PHF2: variants seen among roughly 807,000 people sequenced by gnomAD.
PHF2 encodes the protein PHD finger protein 2, also known as lysine-specific demethylase PHF2.
PHF2 carries 27 observed loss-of-function variants against 120.5 expected under a neutral mutation model. The ratio of observed to expected loss-of-function variants is 0.22; its 90% CI spans 0.17 to 0.31. PHF2 has a LOEUF of 0.31. PHF2 is among the 10% of genes least tolerant of loss of function. The pLI is 1.00. For synonymous variants in PHF2, 568 were observed against 592.5 expected (o/e 0.96, Z 0.60); for missense variants, 1,024 against 1,434.8 (o/e 0.71, Z 4.63).
chr9:93,610,990 G>T (rs1825623908), intron 1 of PHF2, among the ~76,000 whole-genome samples: 1 of 152,236 alleles, frequency 6.6e-6, no homozygotes, highest in Admixed American at 6.5e-5. Flanking sequence ...ATGGGCTTCT[G>T]TTCAGTCTTC....
At position 93,589,590 on chromosome 9, in the gene PHF2, T is replaced by G. The variant is rs192450879; in HGVS notation, c.98+12719T>G. 4.6e-3 allele frequency among the ~76,000 whole-genome samples: 704 copies of G among 152,328 alleles called. 4 individuals carry two copies. The highest frequency in any genetic ancestry group is 0.014 in the Middle Eastern group (4 of 294). On this transcript the variant is annotated intron_variant, in intron 1 of 21. Coordinates refer to ENST00000359246, the MANE Select transcript of PHF2 (RefSeq NM_005392.4). ...TGTCTTTATCACTTGGAAATTAAAG[T>G]CAGTGACCCACCTGTCTTTTCTTAT...
At chr9:93,588,043 C>A (rs1863090501) in intron 1 of PHF2, among the ~76,000 whole-genome samples, 1 of 152,152 alleles carries the variant, frequency 6.6e-6, no homozygotes, top group African/African-American at 2.4e-5. Context: ...CCTGGAGGCC[C>A]CCATGACAGT....
At position 93,625,948 on chromosome 9, in the gene PHF2, TA is replaced by T. The variant is rs35746379; in HGVS notation, c.99-4012del. On this transcript the variant is annotated intron_variant, in intron 1 of 21. Coordinates refer to ENST00000359246, the MANE Select transcript of PHF2 (RefSeq NM_005392.4). ...TCCACATCCTCTCCAAAACTTACTT[TA>T]AAAAAAAAATTGGCCGGGCGCGGTG... 6.7e-5 allele frequency among the ~76,000 whole-genome samples: 10 copies of T among 149,406 alleles called. No individual in the cohort carries two copies. In the East Asian group the frequency reaches 7.8e-4, roughly 12 times the overall value.
In PHF2 at chr9:93,653,269, C is replaced by T. The variant is rs767356385; in HGVS notation, c.693C>T (p.Pro231=). 3.1e-6 allele frequency: 5 copies of T among 1,614,180 alleles called. No homozygotes were observed. Among genetic ancestry groups the T allele is most frequent in the Non-Finnish European group, 4.2e-6 (5 of 1,180,040 alleles). Residue 231 remains proline, a synonymous_variant, in exon 6 of 22, where the codon CCC becomes CCT. Transcript: ENST00000359246. ...CAGATGATGCATTGCTGGCCAAGCC[C>T]AAAGTGACCAAGTACTGCCTAATCT... is the stretch of plus-strand genomic sequence containing the variant. ...YWPDDALLAK[P]KVTKYCLICV...
rs559727442 is a variant in PHF2 at position 93,677,501 on chromosome 9, A to T, written c.3203-87A>T. ...GGACTGCAGGCTGCCCCTTAGTGTC[A>T]GCGGGACCCTCCCCCCCACCGGCAT... On this transcript the variant is annotated intron_variant, in intron 21 of 21. Transcript: ENST00000359246. The surrounding 1 kb of genome is among the most constrained non-coding windows in gnomAD (Gnocchi z 4.4). The T allele has an allele frequency of 2.1e-6, 2 of 951,074 alleles. No individual in the cohort carries two copies. The highest frequency in any genetic ancestry group is 2.8e-5 in the South Asian group (2 of 70,212). 58.9% of individuals were successfully genotyped at this position (951,074 alleles called of 1,614,324 possible).
intron 1 of PHF2, among the ~76,000 whole-genome samples, chr9:93,616,163 A>G (rs1587684068): frequency 6.6e-6 from 1 of 152,186 alleles, no homozygotes; most frequent in African/African-American, 2.4e-5. Flanking sequence ...GGAGCACATC[A>G]TGCCCTGGTT....
Position 93,676,799 on chromosome 9 carries a change from C to G in PHF2, c.3038C>G (p.Pro1013Arg). The change falls in exon 21 of 22, where the codon CCG (proline) becomes CGG (arginine). Residue 1013 changes from proline to arginine, a missense_variant. By Grantham distance (103) the Pro-to-Arg change is moderately radical. Transcript: ENST00000359246. ...ASQEGSSPEPPPESHSSSLAD... is the reference protein window; with the variant it reads ...ASQEGSSPEPRPESHSSSLAD... The stretch of plus-strand genomic sequence containing the variant: ...CAGGAGGGCAGCTCGCCAGAGCCCC[C>G]GCCTGAGTCGCATAGCAGCAGCCTG... 6.4e-7 allele frequency: 1 copy of G among 1,553,074 alleles called. No individual in the cohort carries two copies. The highest frequency in any genetic ancestry group is 8.7e-7 in the Non-Finnish European group (1 of 1,148,046).
In PHF2 at chr9:93,679,177, A is replaced by G. The variant is rs963294434; in HGVS notation, c.*1501A>G. 15 of 452,430 alleles carry G rather than the reference A, an allele frequency of 3.3e-5. No individual in the cohort carries two copies. Among genetic ancestry groups the G allele is most frequent in the Admixed American group, 1.9e-4 (8 of 41,512 alleles). 28.0% of individuals were successfully genotyped at this position (452,430 alleles called of 1,614,324 possible). A position where few individuals can be genotyped will look rare whatever the true frequency, so the allele number is the denominator to read the frequency against. On this transcript the variant is annotated 3_prime_UTR_variant, in exon 22 of 22. Coordinates refer to ENST00000359246, the MANE Select transcript of PHF2 (RefSeq NM_005392.4). ...TCTTATGAGCTTTGTTTATATACCC[A>G]TTACCTGGATGTTTTTGTCCACTGG...
At position 93,653,503 on chromosome 9, in the gene PHF2, G is replaced by A. The variant is rs1826404253; in HGVS notation, c.789+138G>A. 10 of 795,222 alleles carry A rather than the reference G, an allele frequency of 1.3e-5. No homozygotes were observed. In the South Asian group the frequency reaches 1.8e-4, roughly 14 times the overall value. The allele number at this position is 795,222 out of a possible 1,614,324, so 49.3% of individuals were successfully genotyped here. ...CCCTGGACTGTCCATCCCTGGGACA[G>A]GAGGCCTCTGGAGACATCTCTGGGT... On this transcript the variant is annotated intron_variant, in intron 6 of 21. Coordinates refer to ENST00000359246, the MANE Select transcript of PHF2 (RefSeq NM_005392.4).
intron 1 of PHF2, among the ~76,000 whole-genome samples, chr9:93,592,050 G>A (rs1825237495): frequency 6.6e-6 from 1 of 152,186 alleles, no homozygotes; most frequent in South Asian, 2.1e-4. Context: ...TTACCCAGGG[G>A]TCATTGTAAT....
chr9:93,619,634 T>C (rs10992805), intron 1 of PHF2, among the ~76,000 whole-genome samples: 3 of 151,846 alleles, frequency 2.0e-5, no homozygotes, highest in Non-Finnish European at 2.9e-5. Context: ...TGCTGGTGGC[T>C]TCCGGTAGCC....
At chr9:93,666,374 C>T (rs1316197129) in intron 16 of PHF2, among the ~76,000 whole-genome samples, 1 of 152,194 alleles carries the variant, frequency 6.6e-6, no homozygotes, top group East Asian at 1.9e-4. Context: ...AGGCCCTGCC[C>T]CCGCCTCTCC....
intron 6 of PHF2, among the ~76,000 whole-genome samples, chr9:93,653,957 C>T (rs1214402185): frequency 1.3e-5 from 2 of 152,148 alleles, no homozygotes; most frequent in Non-Finnish European, 2.9e-5. Flanking sequence ...ACTGGGGCAT[C>T]CTCAGAACCT....
At chr9:93,645,219 G>T (rs1477164172) in intron 3 of PHF2, among the ~76,000 whole-genome samples, 1 of 152,230 alleles carries the variant, frequency 6.6e-6, no homozygotes, top group Non-Finnish European at 1.5e-5. Flanking sequence ...GAGGCACCTA[G>T]CCGAGAAGGG....
At chr9:93,595,602 T>C (rs1252186337) in intron 1 of PHF2, among the ~76,000 whole-genome samples, 1 of 152,262 alleles carries the variant, frequency 6.6e-6, no homozygotes, top group Non-Finnish European at 1.5e-5. Context: ...GCATGGCTCC[T>C]CTCTGCATGT....
At position 93,649,238 on chromosome 9, in the gene PHF2, G is replaced by A. The variant is rs927618206; in HGVS notation, c.602+26G>A. 3 of 1,545,812 alleles carry A rather than the reference G, an allele frequency of 1.9e-6. No homozygotes were observed. In the African/African-American group the frequency reaches 4.1e-5, roughly 21 times the overall value. On this transcript the variant is annotated intron_variant, in intron 5 of 21. Transcript: ENST00000359246. Reference sequence around the variant, plus strand: ...GTGAGTGCTACCACCCTGGGGGTGTGGGGGCTGGGGTTGGGGCAGGGGCGC... The same window carrying A: ...GTGAGTGCTACCACCCTGGGGGTGTAGGGGCTGGGGTTGGGGCAGGGGCGC...
At chr9:93,600,722 G>C (rs1825423968) in intron 1 of PHF2, among the ~76,000 whole-genome samples, 1 of 152,212 alleles carries the variant, frequency 6.6e-6, no homozygotes, top group Non-Finnish European at 1.5e-5. Context: ...GGCACTGGGG[G>C]AGGGGAGCTC....
Position 93,649,143 on chromosome 9 carries a change from T to C in PHF2, c.533T>C (p.Val178Ala). The C allele has an allele frequency of 6.4e-7, 1 of 1,550,916 alleles. No individual in the cohort carries two copies. Among genetic ancestry groups the C allele is most frequent in the Non-Finnish European group, 8.7e-7 (1 of 1,146,764 alleles). ...KDCKMKLKEF[V>A]DYYYSTNRKR... ...TGCAAGATGAAGCTGAAGGAGTTTG[T>C]GGACTATTACTACAGCACCAACCGC... Residue 178 changes from valine to alanine, a missense_variant, in exon 5 of 22, where the codon GTG becomes GCG. Physicochemically the swap from Val to Ala is moderately conservative, Grantham distance 64 (BLOSUM62 0). Transcript: ENST00000359246.
At chr9:93,663,131 G>GTGTC in intron 13 of PHF2, 105 bp downstream of exon 13, 1 of 1,460,286 alleles carries the variant, frequency 6.8e-7, no homozygotes, top group African/African-American at 1.4e-5. Flanking sequence ...GTGCAGACAT[G>GTGTC]TGTCTGCTTG....
Sources: gnomAD v4.1 joint callset for allele counts (sites outside exome capture counted in the v4.1 genomes callset) on GRCh38, gnomAD v4.1.1 for gene constraint, Gnocchi (gnomAD v3.1) non-coding constraint, MANE v1.5 for transcripts, NCBI Gene and HGNC (gene_info 2026-07-23, HGNC 2026-07-21) for gene names.